Variants in LZTS2 observed in about 807,000 individuals in gnomAD.
LZTS2 encodes the protein leucine zipper putative tumor suppressor 2.
LZTS2 carries 32 observed loss-of-function variants against 60.6 expected under a neutral mutation model. That is an observed-to-expected ratio of 0.53 (90% CI 0.40 to 0.71). The LOEUF (loss-of-function observed/expected upper bound fraction) is 0.71. Ranked by LOEUF, LZTS2 falls within the 30% of genes least tolerant of loss-of-function variation. The pLI, the probability that LZTS2 is intolerant of heterozygous loss-of-function variation, is 0.00. For missense variants in LZTS2, 792 were observed against 901.9 expected (o/e 0.88, Z 1.56); for synonymous variants, 360 against 393.1 (o/e 0.92, Z 1.00).
At chr10:101,002,984 G>A (rs1380596230) in intron 1 of LZTS2, 38 bp downstream of exon 2, 10 of 1,557,130 alleles carry the variant, frequency 6.4e-6, no homozygotes, top group African/African-American at 4.1e-5. Context: ...TGGGTAGAAC[G>A]GGAGTCCTCG....
At chr10:100,998,161 C>T (rs552598649), upstream of LZTS2, among the ~76,000 whole-genome samples, 2 of 152,200 alleles carry the variant, frequency 1.3e-5, no homozygotes, top group Admixed American at 6.5e-5. Context: ...GGCCTGCCCC[C>T]CTAGAAAAAG....
upstream of LZTS2, chr10:100,996,740 G>A (rs1213217388): frequency 6.6e-6 from 1 of 152,466 alleles, no homozygotes; most frequent in Non-Finnish European, 1.5e-5. Context: ...CTGCTTCCCA[G>A]GGGTTGTCCC....
exon 4 of LZTS2, chr10:101,006,914 C>T (rs1400427837): frequency 1.5e-5 from 23 of 1,529,602 alleles, no homozygotes; most frequent in South Asian, 6.2e-5. Context: ...GCAGCGGGAG[C>T]GGCGGCGGGG....
upstream of LZTS2, among the ~76,000 whole-genome samples, chr10:100,999,176 G>T (rs1851973406): frequency 6.6e-6 from 1 of 152,238 alleles, no homozygotes; most frequent in African/African-American, 2.4e-5. Flanking sequence ...CCAGAGGCCG[G>T]CCTGGGTTCG....
At chr10:101,001,455 TAACTA>T (rs1191656053) in exon 1 of LZTS2, 1 of 152,230 alleles carries the variant, frequency 6.6e-6, no homozygotes, top group African/African-American at 2.4e-5. Flanking sequence ...ACACAACAAA[TAACTA>T]AATGCACACA....
At chr10:101,007,285 C>T (rs1290408329) in exon 4 of LZTS2, 1 of 1,424,890 alleles carries the variant, frequency 7.0e-7, no homozygotes, top group African/African-American at 1.4e-5. Context: ...AGCCACTTGT[C>T]TCCTAGGATC....
exon 1 of LZTS2, chr10:101,001,059 C>G (rs546692268): frequency 1.2e-4 from 19 of 152,462 alleles, no homozygotes; most frequent in African/African-American, 4.6e-4. Context: ...GCTCCCCCCA[C>G]CAATGGGCCC....
intron 3 of LZTS2, 146 bp from the exon 5 acceptor site, chr10:101,006,339 T>C (rs1852193536): frequency 2.9e-6 from 4 of 1,395,710 alleles, no homozygotes; most frequent in African/African-American, 1.5e-5. Flanking sequence ...ACCTTGGACA[T>C]GTCACTAGAC....
intron 1 of LZTS2, 196 bp downstream of exon 2, chr10:101,003,142 G>C: frequency 1.5e-6 from 1 of 681,588 alleles, no homozygotes; most frequent in Non-Finnish European, 2.4e-6. Flanking sequence ...TTCTAGAACT[G>C]ACATGAAGGT....
chr10:101,006,745 G>A, exon 4 of LZTS2: 2 of 1,591,668 alleles, frequency 1.3e-6, no homozygotes, highest in Non-Finnish European at 1.7e-6. Flanking sequence ...AAGCTGGGCA[G>A]TTGGATGCTG....
chr10:101,006,337 C>A, intron 3 of LZTS2, 148 bp from the exon 5 acceptor site: 1 of 1,386,604 alleles, frequency 7.2e-7, no homozygotes, highest in Non-Finnish European at 9.6e-7. Context: ...TGACCTTGGA[C>A]ATGTCACTAG....
chr10:101,007,728 C>T (rs972729062), exon 4 of LZTS2: 1 of 895,386 alleles, frequency 1.1e-6, no homozygotes, highest in African/African-American at 1.8e-5. Context: ...GCAGCCTCTC[C>T]CTTCACCCAG....
intron 1 of LZTS2, 38 bp downstream of exon 2, chr10:101,002,984 G>T: frequency 6.4e-7 from 1 of 1,557,248 alleles, no homozygotes; most frequent in Non-Finnish European, 8.7e-7. Context: ...TGGGTAGAAC[G>T]GGAGTCCTCG....
At chr10:100,998,721 TGTGA>T (rs920433017), upstream of LZTS2, 9 of 152,014 alleles carry the variant, frequency 5.9e-5, no homozygotes, top group African/African-American at 2.2e-4. Context: ...AAGTTGTCTG[TGTGA>T]GTGACTGTGA....
exon 1 of LZTS2, chr10:101,001,453 A>G (rs1395856404): frequency 6.6e-6 from 1 of 152,240 alleles, no homozygotes. Context: ...TCACACAACA[A>G]ATAACTAAAT....
chr10:101,007,159 T>A (rs529970351), exon 4 of LZTS2: 3 of 1,584,736 alleles, frequency 1.9e-6, no homozygotes, highest in South Asian at 2.3e-5. Flanking sequence ...TCACTGCTAC[T>A]GAGATCTAGG....
exon 1 of LZTS2, chr10:100,999,873 G>A (rs1260232687): frequency 6.6e-6 from 1 of 150,486 alleles, no homozygotes; most frequent in East Asian, 1.9e-4. Flanking sequence ...GCCGGGGCCG[G>A]AGCCGGAGCC....
In LZTS2 at chr10:101,006,660, C is replaced by T. The variant is rs370440218; in HGVS notation, c.1502C>T (p.Ala501Val). The T allele has an allele frequency of 1.9e-5, 30 of 1,588,136 alleles. No individual in the cohort carries two copies. The African/African-American group carries it at 3.9e-4, about 21-fold the overall frequency. ...CGGGGTCTACAGGAGGCCGCCCGAGCTCGGGAGCTGGAGCTGGAAGCCTGT... is the reference window on the plus strand; with the variant it reads ...CGGGGTCTACAGGAGGCCGCCCGAGTTCGGGAGCTGGAGCTGGAAGCCTGT... Residue 501 changes from alanine (A) to valine (V), a missense_variant, in exon 4 of 4, where the codon GCT (alanine) becomes GTT (valine). By Grantham distance (64) the Ala-to-Val change is moderately conservative (BLOSUM62 0). Coordinates refer to ENST00000370220, the Ensembl canonical transcript of LZTS2.
At chr10:101,005,118 C>A (rs564574206) in intron 2 of LZTS2, among the ~76,000 whole-genome samples, 2 of 152,286 alleles carry the variant, frequency 1.3e-5, no homozygotes, top group East Asian at 3.9e-4. Context: ...GTCCTCTCAC[C>A]CCAGCCTCCC....
Sources: allele counts gnomAD v4.1 joint callset (sites outside exome capture counted in the v4.1 genomes callset), GRCh38; gene constraint gnomAD v4.1.1; transcripts MANE v1.5; gene names NCBI Gene and HGNC (gene_info 2026-07-23, HGNC 2026-07-21).